Variants in FAM171A1 observed in about 807,000 individuals in gnomAD.
The protein encoded by FAM171A1 is protein FAM171A1.
Under a neutral mutation model 74.9 loss-of-function variants are expected in FAM171A1, and 23 were observed. The observed-to-expected ratio is 0.31, with a 90% CI of 0.22 to 0.44. The LOEUF (loss-of-function observed/expected upper bound fraction) is 0.44, where lower values mean the gene tolerates loss of function less well. Among genes scored for constraint, FAM171A1 ranks in the 20% least tolerant of loss-of-function variants. The pLI is 1.00. For missense variants in FAM171A1, 1,162 were observed against 1,159.2 expected (o/e 1.00, Z -0.03); for synonymous variants, 527 against 505.7 (o/e 1.04, Z -0.57).
intron 1 of FAM171A1, among the ~76,000 whole-genome samples, chr10:15,307,674 G>C: frequency 7.0e-6 from 1 of 142,682 alleles, no homozygotes. Context: ...AAAAAAATGC[G>C]ACTTGAAGAA....
At chr10:15,373,462 C>T (rs1229854444), upstream of FAM171A1, among the ~76,000 whole-genome samples, 1 of 152,172 alleles carries the variant, frequency 6.6e-6, no homozygotes. Flanking sequence ...AGTGTAAATT[C>T]CCTATACCAT....
At chr10:15,276,793 T>C (rs1834900637) in intron 2 of FAM171A1, among the ~76,000 whole-genome samples, 1 of 152,182 alleles carries the variant, frequency 6.6e-6, no homozygotes, top group Non-Finnish European at 1.5e-5. Flanking sequence ...CAAGTATCCC[T>C]GCTGCCTTAG....
chr10:15,225,438 T>C (rs2131720992), intron 5 of FAM171A1, among the ~76,000 whole-genome samples: 1 of 152,264 alleles, frequency 6.6e-6, no homozygotes, highest in East Asian at 1.9e-4. Context: ...GATTCAACAA[T>C]CATGCTGTTA....
upstream of FAM171A1, among the ~76,000 whole-genome samples, chr10:15,372,093 G>A (rs368599407): frequency 1.3e-5 from 2 of 152,232 alleles, no homozygotes; most frequent in South Asian, 4.2e-4. Flanking sequence ...AGATATCCAG[G>A]GTGGAGGGTT....
In FAM171A1 at chr10:15,239,165, C is replaced by T. The variant is rs1162099660; in HGVS notation, c.754+9474G>A. Among the ~76,000 whole-genome samples, 3 of 152,216 alleles carry T rather than the reference C, an allele frequency of 2.0e-5. No individual in the cohort carries two copies. The East Asian group carries it at 5.8e-4, about 29-fold the overall frequency. On this transcript the variant is annotated intron_variant, in intron 5 of 7. Transcript: ENST00000378116. ...ATAGAGCTGACATAATCATCTCTTA[C>T]TGTCCAGAAAGGCTCAGCTAAGAGG...
chr10:15,348,443 G>C (rs74344070), intron 1 of FAM171A1, among the ~76,000 whole-genome samples: 1 of 152,176 alleles, frequency 6.6e-6, no homozygotes. Flanking sequence ...CGGCCTCTAG[G>C]TAGCTTTCTT....
chr10:15,357,434 A>C (rs1215890849), intron 1 of FAM171A1, among the ~76,000 whole-genome samples: 1 of 152,218 alleles, frequency 6.6e-6, no homozygotes. Flanking sequence ...GTAGTAGAAA[A>C]TAATCAGAAC....
chr10:15,343,625 A>G (rs993321129), intron 1 of FAM171A1, among the ~76,000 whole-genome samples: 5 of 152,132 alleles, frequency 3.3e-5, no homozygotes, highest in African/African-American at 9.7e-5. Flanking sequence ...TGACCTGTAT[A>G]AAGGCAGGGT....
intron 3 of FAM171A1, among the ~76,000 whole-genome samples, chr10:15,272,229 CA>C (rs970554481): frequency 6.6e-6 from 1 of 152,072 alleles, no homozygotes; most frequent in Non-Finnish European, 1.5e-5. Flanking sequence ...ACAAAAAAAG[CA>C]GGGGTTGCAA....
At chr10:15,256,203 G>C (rs1834578837) in intron 3 of FAM171A1, among the ~76,000 whole-genome samples, 1 of 152,080 alleles carries the variant, frequency 6.6e-6, no homozygotes, top group Non-Finnish European at 1.5e-5. Flanking sequence ...TCCACTCCAG[G>C]GTTCCTTTTA....
At chr10:15,244,293 T>C (rs927683807) in intron 5 of FAM171A1, among the ~76,000 whole-genome samples, 1 of 152,114 alleles carries the variant, frequency 6.6e-6, no homozygotes, top group Non-Finnish European at 1.5e-5. Flanking sequence ...AGGCGGAGGT[T>C]GTAGTGAGCT....
chr10:15,366,783 A>G (rs1433342502), intron 1 of FAM171A1, among the ~76,000 whole-genome samples: 1 of 152,224 alleles, frequency 6.6e-6, no homozygotes, highest in Non-Finnish European at 1.5e-5. Flanking sequence ...AGCAGTGTTT[A>G]CTAAAAGTAG....
intron 1 of FAM171A1, among the ~76,000 whole-genome samples, chr10:15,311,730 C>A (rs945478647): frequency 6.6e-6 from 1 of 152,114 alleles, no homozygotes; most frequent in African/African-American, 2.4e-5. Context: ...GGCGGCATCA[C>A]GTTTTCCCCC....
chr10:15,216,192 T>G, intron 6 of FAM171A1, 82 bp from the exon 7 acceptor site: 2 of 873,496 alleles, frequency 2.3e-6, no homozygotes, highest in Non-Finnish European at 3.5e-6. Flanking sequence ...CGCAGTGTCT[T>G]GTGCTTACTC....
Position 15,213,614 on chromosome 10 carries a change from AGGGC to A in FAM171A1, c.1970_1973del (p.Ser657IlefsTer16). On this transcript the variant is annotated frameshift_variant, in exon 8 of 8. Coordinates refer to ENST00000378116, the MANE Select transcript of FAM171A1 (RefSeq NM_001010924.2). LOFTEE classifies it high-confidence loss of function. This position sits in a 1 kb window ranked among gnomAD's most constrained non-coding sequence, Gnocchi z 6.8. ...GAGACTCCGACATGGATGCGTTCTG[AGGGC>A]TCCACTCCCGGGTGCCCGCATCCTG... 1 of 1,614,108 alleles carries A rather than the reference AGGGC, an allele frequency of 6.2e-7. No homozygotes were observed. Among genetic ancestry groups the A allele is most frequent in the Non-Finnish European group, 8.5e-7 (1 of 1,180,024 alleles).
At chr10:15,317,370 T>C (rs1286619130) in intron 1 of FAM171A1, among the ~76,000 whole-genome samples, 3 of 152,188 alleles carry the variant, frequency 2.0e-5, no homozygotes, top group Non-Finnish European at 4.4e-5. Context: ...TGAAGTCTGG[T>C]TGCGCTCATA....
At chr10:15,373,449 A>G (rs1195176450), upstream of FAM171A1, among the ~76,000 whole-genome samples, 2 of 152,232 alleles carry the variant, frequency 1.3e-5, no homozygotes, top group Admixed American at 6.5e-5. Context: ...CAAAGATCTG[A>G]TAAGTGTAAA....
chr10:15,269,725 A>T (rs1179105480), intron 3 of FAM171A1, among the ~76,000 whole-genome samples: 2 of 152,212 alleles, frequency 1.3e-5, no homozygotes, highest in Non-Finnish European at 2.9e-5. Context: ...AACAAGATGA[A>T]CATGCTCTCC....
intron 1 of FAM171A1, among the ~76,000 whole-genome samples, chr10:15,358,191 G>C (rs1384499250): frequency 6.6e-6 from 1 of 152,082 alleles, no homozygotes; most frequent in African/African-American, 2.4e-5. Context: ...TTCCAGGCTG[G>C]TCTTGAACTC....
Sources: gnomAD v4.1 joint callset for allele counts (sites outside exome capture counted in the v4.1 genomes callset) on GRCh38, gnomAD v4.1.1 for gene constraint, Gnocchi (gnomAD v3.1) non-coding constraint, MANE v1.5 for transcripts, NCBI Gene and HGNC (gene_info 2026-07-23, HGNC 2026-07-21) for gene names.